The following MYT1L variants were observed in gnomAD, a reference collection of about 807,000 sequenced individuals.
MYT1L encodes myelin transcription factor 1 like, also known as myelin transcription factor 1-like protein.
In MYT1L, 12 loss-of-function variants were observed where a neutral mutation model predicts 126.7. The observed-to-expected ratio is 0.09, with a 90% CI of 0.06 to 0.15. The LOEUF (loss-of-function observed/expected upper bound fraction) is 0.15. MYT1L is among the 10% of genes least tolerant of loss of function. The pLI is 1.00. For missense variants in MYT1L, 979 were observed against 1,585.2 expected (o/e 0.62, Z 6.49); for synonymous variants, 541 against 604.2 (o/e 0.90, Z 1.53).
At chr2:2,174,546 G>A (rs989757484) in intron 2 of MYT1L, among the ~76,000 whole-genome samples, 13 of 152,138 alleles carry the variant, frequency 8.5e-5, no homozygotes, top group Admixed American at 2.0e-4. Flanking sequence ...AGAGACAGAC[G>A]TGACAGCGCA....
chr2:1,901,472 C>T (rs951835356), intron 14 of MYT1L, among the ~76,000 whole-genome samples: 2 of 152,202 alleles, frequency 1.3e-5, no homozygotes, highest in African/African-American at 2.4e-5. Flanking sequence ...ACCAACAGAA[C>T]TATTTCTGTT....
At chr2:2,070,601 T>C (rs75589358) in intron 3 of MYT1L, among the ~76,000 whole-genome samples, 4,188 of 152,346 alleles carry the variant, frequency 0.027, 83 homozygotes, top group South Asian at 0.089. Context: ...ACTGTGTTTG[T>C]CTGGACATAT....
chr2:1,865,763 C>T (rs1020292040), intron 18 of MYT1L, among the ~76,000 whole-genome samples: 1 of 152,098 alleles, frequency 6.6e-6, no homozygotes, highest in Non-Finnish European at 1.5e-5. Flanking sequence ...GCACTTAGTA[C>T]ATGCTCAGTA....
intron 4 of MYT1L, among the ~76,000 whole-genome samples, chr2:2,045,419 T>G (rs544167278): frequency 6.6e-6 from 1 of 152,292 alleles, no homozygotes; most frequent in Middle Eastern, 3.4e-3. Flanking sequence ...TGCAGAGCCA[T>G]GCAGGGGCCA....
At chr2:2,093,326 GC>G (rs1208850414) in intron 3 of MYT1L, among the ~76,000 whole-genome samples, 2 of 114,968 alleles carry the variant, frequency 1.7e-5, no homozygotes, top group African/African-American at 6.5e-5. Flanking sequence ...GGGCGGGGGG[GC>G]TTTTTTTACT....
In MYT1L at chr2:2,004,992, GTTCTTTCCTGCATGCC is replaced by G. The variant is rs1199415752; in HGVS notation, c.-157-7661_-157-7646del. On this transcript the variant is annotated intron_variant, in intron 4 of 24. Coordinates refer to ENST00000647738, the MANE Select transcript of MYT1L (RefSeq NM_001303052.2). The stretch of plus-strand genomic sequence containing the variant: ...CCTGCATGCCTTCTTTCCTGCAGGC[GTTCTTTCCTGCATGCC>G]TTCTTTCCTGCGTGCCTTCTTTCCT... Among the ~76,000 whole-genome samples the G allele has an allele frequency of 6.0e-3, 753 of 126,272 alleles. 6 individuals carry two copies. The highest frequency in any genetic ancestry group is 0.024 in the African/African-American group (733 of 30,260). The allele number at this position is 126,272 out of a possible 152,430, so 82.8% of individuals were successfully genotyped here.
chr2:2,238,863 C>A (rs1559427752), intron 2 of MYT1L, among the ~76,000 whole-genome samples: 1 of 152,198 alleles, frequency 6.6e-6, no homozygotes, highest in African/African-American at 2.4e-5. Flanking sequence ...ACGTCCCAGT[C>A]TCTGGGTAGC....
intron 1 of MYT1L, among the ~76,000 whole-genome samples, chr2:2,292,545 G>A (rs757445896): frequency 7.2e-5 from 11 of 152,078 alleles, no homozygotes; most frequent in Non-Finnish European, 1.3e-4. Flanking sequence ...GAGGTGGTTC[G>A]TCAGCACTCG....
chr2:2,327,534 G>A (rs1166392749), intron 1 of MYT1L, among the ~76,000 whole-genome samples: 2 of 152,136 alleles, frequency 1.3e-5, no homozygotes, highest in Non-Finnish European at 2.9e-5. Flanking sequence ...TAACATCATT[G>A]CGCTCAAATT....
At chr2:1,951,004 G>C (rs1194641291) in intron 8 of MYT1L, among the ~76,000 whole-genome samples, 8 of 152,186 alleles carry the variant, frequency 5.3e-5, no homozygotes, top group African/African-American at 1.9e-4. Flanking sequence ...TGCCAGCTCA[G>C]GTAACTGGCA....
chr2:2,298,325 A>G (rs1379886247), intron 1 of MYT1L, among the ~76,000 whole-genome samples: 1 of 152,236 alleles, frequency 6.6e-6, no homozygotes, highest in African/African-American at 2.4e-5. Context: ...TAAACAGTGA[A>G]AACTTATGTG....
rs539346009 is a variant in MYT1L, at chr2:1,852,534, T to C, written c.2712-831A>G. Among the ~76,000 whole-genome samples the C allele has an allele frequency of 5.3e-5, 8 of 152,284 alleles. No individual in the cohort carries two copies. In the South Asian group the frequency reaches 1.7e-3, roughly 32 times the overall value. ...TTATATTGCCCTCCATATAACTTCT[T>C]AACTATGCTGTCTCAAGAATAATGA... On this transcript the variant is annotated intron_variant, in intron 18 of 24. Transcript: ENST00000647738. This position sits in a 1 kb window ranked among gnomAD's most constrained non-coding sequence, Gnocchi z 4.0.
At chr2:1,870,666 AG>A (rs2046167407) in intron 18 of MYT1L, among the ~76,000 whole-genome samples, 1 of 152,188 alleles carries the variant, frequency 6.6e-6, no homozygotes, top group African/African-American at 2.4e-5. Context: ...GAACTCCAAA[AG>A]GGACATTTTA....
intron 21 of MYT1L, among the ~76,000 whole-genome samples, chr2:1,837,902 G>A (rs1161207892): frequency 8.0e-6 from 1 of 124,534 alleles, no homozygotes; most frequent in Admixed American, 7.6e-5. Context: ...TTTTTTTTTT[G>A]TCTTTTGTTT....
chr2:2,160,776 G>A (rs747101159), intron 3 of MYT1L, among the ~76,000 whole-genome samples: 5 of 152,088 alleles, frequency 3.3e-5, no homozygotes, highest in Non-Finnish European at 4.4e-5. Flanking sequence ...CACAGACTGG[G>A]GTACCCTCTG....
At chr2:1,853,935 A>G (rs1386589611) in intron 18 of MYT1L, among the ~76,000 whole-genome samples, 1 of 152,302 alleles carries the variant, frequency 6.6e-6, no homozygotes, top group East Asian at 1.9e-4. Flanking sequence ...AGTATAATCC[A>G]TTGTTTGATA....
chr2:2,179,291 A>T (rs1172579691), intron 2 of MYT1L, among the ~76,000 whole-genome samples: 4 of 152,204 alleles, frequency 2.6e-5, no homozygotes, highest in African/African-American at 9.6e-5. Context: ...AATCCCAGTC[A>T]GAGGACTCAG....
chr2:2,327,867 T>C (rs2096260844), intron 1 of MYT1L, among the ~76,000 whole-genome samples: 1 of 152,164 alleles, frequency 6.6e-6, no homozygotes, highest in African/African-American at 2.4e-5. Context: ...CTTTAAGTTG[T>C]TTGAAGTTAA....
At chr2:2,234,277 A>T (rs1255776560) in intron 2 of MYT1L, among the ~76,000 whole-genome samples, 1 of 152,216 alleles carries the variant, frequency 6.6e-6, no homozygotes, top group African/African-American at 2.4e-5. Flanking sequence ...ATAATTTCAC[A>T]CTTGTCTTGG....
Sources: gnomAD v4.1 joint callset for allele counts (sites outside exome capture counted in the v4.1 genomes callset) on GRCh38, gnomAD v4.1.1 for gene constraint, Gnocchi (gnomAD v3.1) non-coding constraint, MANE v1.5 for transcripts, NCBI Gene and HGNC (gene_info 2026-07-23, HGNC 2026-07-21) for gene names.